The following UTP20 variants were observed in gnomAD, a reference collection of about 807,000 sequenced individuals.
The protein encoded by UTP20 is UTP20 small subunit processome component.
Under a neutral mutation model 329.5 loss-of-function variants are expected in UTP20, and 164 were observed. That is an observed-to-expected ratio of 0.50 (90% CI 0.44 to 0.57). UTP20 has a LOEUF of 0.57. Ranked by LOEUF, UTP20 falls within the 20% of genes least tolerant of loss-of-function variation. The probability of loss-of-function intolerance (pLI) is 0.00; values close to 1 mark genes in which losing one functional copy is unlikely to be tolerated. For missense variants in UTP20, 3,055 were observed against 3,284.2 expected (o/e 0.93, Z 1.71); for synonymous variants, 1,151 against 1,159.3 (o/e 0.99, Z 0.14).
intron 23 of UTP20, among the ~76,000 whole-genome samples, chr12:101,320,632 A>G (rs1873119703): frequency 6.6e-6 from 1 of 151,996 alleles, no homozygotes; most frequent in South Asian, 2.1e-4. Flanking sequence ...TGTGGGATGC[A>G]GGTGTCAGAG....
chr12:101,357,168 G>A, intron 43 of UTP20, 86 bp downstream of exon 43: 2 of 1,324,288 alleles, frequency 1.5e-6, no homozygotes, highest in East Asian at 2.4e-5. Context: ...GGAACTTTGG[G>A]CCTGTCTTTA....
At position 101,383,252 on chromosome 12, in the gene UTP20, T is replaced by C; in HGVS notation, c.7868T>C (p.Ile2623Thr). Residue 2623 changes from isoleucine to threonine, a missense_variant, in exon 59 of 62, where the codon ATC (isoleucine) becomes ACC (threonine). Ile to Thr is a moderately conservative substitution (Grantham distance 89). Coordinates refer to ENST00000261637, the MANE Select transcript of UTP20 (RefSeq NM_014503.3). ...LGRPATLLWL[I>T]QKLSRIAKLE... The stretch of plus-strand genomic sequence containing the variant: ...AGGCCGGCCACGCTGCTGTGGTTGA[T>C]CCAGAAGCTGTCCCGGATTGCAAAA... The C allele has an allele frequency of 2.5e-6, 4 of 1,614,156 alleles. No homozygotes were observed. The highest frequency in any genetic ancestry group is 3.4e-6 in the Non-Finnish European group (4 of 1,180,026).
At chr12:101,289,375 T>TCACA (rs140788608) in intron 6 of UTP20, among the ~76,000 whole-genome samples, 17,183 of 149,718 alleles carry the variant, frequency 0.11, 1,252 homozygotes, top group Non-Finnish European at 0.16. Flanking sequence ...AGACTCCATA[T>TCACA]CACACACACA....
chr12:101,312,267 G>A lies in UTP20; in HGVS notation c.2543G>A (p.Arg848Lys), dbSNP rs1872818130. The change falls in exon 21 of 62, where the codon AGA becomes AAA. Residue 848 changes from arginine to lysine, a missense_variant. Arg to Lys is a conservative substitution (Grantham distance 26). This residue lies in a region of UTP20 where 2,445 missense variants were observed against 2,575.5 expected (regional missense o/e 0.95). Coordinates refer to ENST00000261637, the MANE Select transcript of UTP20 (RefSeq NM_014503.3). ...AGGGAGCTTTCCCCGCTTTTCTTGA[G>A]ATTTATCAAGTAAGTTTCCTCTTCT... ...RSRELSPLFLRFINNEYYPAD... is the reference protein window; with the variant it reads ...RSRELSPLFLKFINNEYYPAD... 6.2e-7 allele frequency: 1 copy of A among 1,613,802 alleles called. No homozygotes were observed. Among genetic ancestry groups the A allele is most frequent in the Non-Finnish European group, 8.5e-7 (1 of 1,179,970 alleles).
At chr12:101,359,647 G>A (rs960296909) in intron 43 of UTP20, among the ~76,000 whole-genome samples, 2 of 151,834 alleles carry the variant, frequency 1.3e-5, no homozygotes, top group Non-Finnish European at 2.9e-5. Context: ...CAGTTTTTGG[G>A]TTTTTCAGTT....
In UTP20 at chr12:101,385,977, A is replaced by G; in HGVS notation, c.8212A>G (p.Asn2738Asp). Residue 2738 changes from asparagine (N) to aspartate (D), a missense_variant, in exon 62 of 62, where the codon AAT becomes GAT. This residue lies in a region of UTP20 where 337 missense variants were observed against 345.5 expected (regional missense o/e 0.98). Coordinates refer to ENST00000261637, the MANE Select transcript of UTP20 (RefSeq NM_014503.3). Reference sequence around the variant, plus strand: ...CTATTCTCTTTTCCAGTTTGTAACTAATCCTGATATTGCTGCCAAGAAAAA... The same window carrying G: ...CTATTCTCTTTTCCAGTTTGTAACTGATCCTGATATTGCTGCCAAGAAAAA... ...KKRKALEFVT[N>D]PDIAAKKKMK... 6.3e-7 allele frequency: 1 copy of G among 1,582,534 alleles called. No homozygotes were observed. The highest frequency in any genetic ancestry group is 1.4e-5 in the African/African-American group (1 of 73,222).
intron 54 of UTP20, among the ~76,000 whole-genome samples, chr12:101,374,213 C>T (rs796363115): frequency 4.8e-4 from 71 of 146,898 alleles, no homozygotes; most frequent in Non-Finnish European, 8.3e-4. Context: ...CCAGCCTGGG[C>T]GACAGAGCGA....
rs761186850 is a variant in UTP20 at position 101,371,159 on chromosome 12, G to C, written c.6789G>C (p.Gln2263His). ...CACAAAGCGAACCTGCCAGGGTCCA[G>C]TGTAGACAGGTTTGTAGAGAGCACT... Reference protein sequence around the residue: ...VSAQSEPARVQCRQVFLKYIL... With the variant: ...VSAQSEPARVHCRQVFLKYIL... The change falls in exon 51 of 62, where the codon CAG (glutamine) becomes CAC (histidine). Residue 2263 changes from glutamine to histidine, a missense_variant. This residue lies in a region of UTP20 where 273 missense variants were observed against 363.1 expected (regional missense o/e 0.75). Coordinates refer to ENST00000261637, the MANE Select transcript of UTP20 (RefSeq NM_014503.3). 4.3e-6 allele frequency: 7 copies of C among 1,613,180 alleles called. No individual in the cohort carries two copies. The East Asian group carries it at 1.3e-4, about 31-fold the overall frequency.
chr12:101,341,915 TAAATA>T (rs952546997), intron 32 of UTP20, among the ~76,000 whole-genome samples: 1 of 151,838 alleles, frequency 6.6e-6, no homozygotes, highest in African/African-American at 2.4e-5. Context: ...AAAAAATATA[TAAATA>T]AAATAAAAAT....
chr12:101,315,010 A>G (rs185371268), intron 21 of UTP20, among the ~76,000 whole-genome samples: 2 of 151,790 alleles, frequency 1.3e-5, no homozygotes, highest in Admixed American at 6.6e-5. Flanking sequence ...GGAGAATCAC[A>G]TGAACCCGGA....
Position 101,352,084 on chromosome 12 carries a change from G to T in UTP20, c.4914G>T (p.Glu1638Asp), listed in dbSNP as rs758246406. Residue 1638 changes from glutamate (E) to aspartate (D), a missense_variant, in exon 39 of 62, where the codon GAG becomes GAT. By Grantham distance (45) the Glu-to-Asp change is conservative. This residue lies in a region of UTP20 where 2,445 missense variants were observed against 2,575.5 expected (regional missense o/e 0.95). Transcript: ENST00000261637. The part of the protein sequence containing the change: ...KHENITTAAT[E>D]IIGAICKHLS... ...AAAATATAACCACTGCTGCCACAGA[G>T]ATTATTGGAGCCATTTGCAAACATC... The T allele has an allele frequency of 6.2e-7, 1 of 1,613,802 alleles. No homozygotes were observed. Among genetic ancestry groups the T allele is most frequent in the Non-Finnish European group, 8.5e-7 (1 of 1,179,974 alleles).
At chr12:101,296,251 C>T (rs545528469) in intron 12 of UTP20, among the ~76,000 whole-genome samples, 13 of 152,314 alleles carry the variant, frequency 8.5e-5, no homozygotes, top group Admixed American at 2.6e-4. Flanking sequence ...TCCCTCACCA[C>T]GAGGATTCCT....
intron 29 of UTP20, among the ~76,000 whole-genome samples, chr12:101,336,616 T>C (rs1868942037): frequency 6.6e-6 from 1 of 152,244 alleles, no homozygotes; most frequent in Non-Finnish European, 1.5e-5. Context: ...TAGCAGTCTC[T>C]TCTTCCTGCA....
Position 101,367,995 on chromosome 12 carries a change from TC to T in UTP20, c.6384+20del. The T allele has an allele frequency of 2.0e-6, 3 of 1,501,762 alleles. No individual in the cohort carries two copies. Among genetic ancestry groups the T allele is most frequent in the Non-Finnish European group, 1.9e-6 (2 of 1,078,124 alleles). 93.0% of individuals were successfully genotyped at this position (1,501,762 alleles called of 1,614,324 possible). A position where few individuals can be genotyped will look rare whatever the true frequency, so the allele number is the denominator to read the frequency against. Reference sequence around the variant, plus strand: ...TGTGAAGGTAAGCATCGGTTTGCACTCTGCATTGGAGCATTTATTTCTTCAG... The same window carrying T: ...TGTGAAGGTAAGCATCGGTTTGCACTTGCATTGGAGCATTTATTTCTTCAG... On this transcript the variant is annotated intron_variant, in intron 48 of 61. Transcript: ENST00000261637.
At chr12:101,345,433 CTTTTT>C (rs1012229188) in intron 36 of UTP20, 116 bp from the exon 37 acceptor site, 1 of 652,498 alleles carries the variant, frequency 1.5e-6, no homozygotes, top group East Asian at 3.3e-5. Context: ...GCAATCCTGA[CTTTTT>C]TTTTTAACAG....
chr12:101,327,332 G>C (rs1438488313), intron 26 of UTP20, 85 bp downstream of exon 26: 4 of 1,340,552 alleles, frequency 3.0e-6, no homozygotes, highest in South Asian at 2.2e-5. Flanking sequence ...ATGCTCCTGG[G>C]CGTCTTTCTA....
chr12:101,374,700 T>G lies in UTP20; in HGVS notation c.7132-108T>G, dbSNP rs573890617. The G allele has an allele frequency of 3.6e-5, 24 of 659,866 alleles. No homozygotes were observed. In the East Asian group the frequency reaches 5.0e-4, roughly 14 times the overall value. 40.9% of individuals were successfully genotyped at this position (659,866 alleles called of 1,614,324 possible). A position where few individuals can be genotyped will look rare whatever the true frequency, so the allele number is the denominator to read the frequency against. On this transcript the variant is annotated intron_variant, in intron 54 of 61. Transcript: ENST00000261637. ...GATTTCTGGCATCAGAAAGAAATGT[T>G]TATTTTCTCTGAATGTTGAGGACAA...
intron 17 of UTP20, 21 bp from the exon 18 acceptor site, chr12:101,308,164 T>G: frequency 6.4e-7 from 1 of 1,553,834 alleles, no homozygotes; most frequent in South Asian, 1.3e-5. Flanking sequence ...GTCTTCTCCA[T>G]GGTTTTCTCT....
Position 101,373,579 on chromosome 12 carries a change from T to C in UTP20, c.6949-6T>C, listed in dbSNP as rs139558505. ...TGAGTGCTCACACGTGCCTCTTTTC[T>C]TTTAGGGGCTGCTCCATGAGAACTG... On this transcript the variant is annotated splice_polypyrimidine_tract_variant and splice_region_variant and intron_variant, in intron 53 of 61. Coordinates refer to ENST00000261637, the MANE Select transcript of UTP20 (RefSeq NM_014503.3). 429 of 1,610,364 alleles carry C rather than the reference T, an allele frequency of 2.7e-4. 2 individuals carry two copies. In the African/African-American group the frequency reaches 5.0e-3, roughly 19 times the overall value.
Sources: allele counts gnomAD v4.1 joint callset (sites outside exome capture counted in the v4.1 genomes callset), GRCh38; gene constraint gnomAD v4.1.1; regional missense constraint gnomAD v4.1.1; transcripts MANE v1.5; gene names NCBI Gene and HGNC (gene_info 2026-07-23, HGNC 2026-07-21).